Variants in LEPR observed in about 807,000 individuals in gnomAD.
LEPR encodes OB receptor.
Under a neutral mutation model 114.7 loss-of-function variants are expected in LEPR, and 56 were observed. The ratio of observed to expected loss-of-function variants is 0.49; its 90% confidence interval spans 0.39 to 0.61. The LOEUF is 0.61. Among genes scored for constraint, LEPR ranks in the 20% least tolerant of loss-of-function variants. The probability of loss-of-function intolerance (pLI) is 0.00; values close to 1 mark genes in which losing one functional copy is unlikely to be tolerated. For missense variants in LEPR, 1,202 were observed against 1,352.9 expected, an observed-to-expected ratio of 0.89 and a Z score of 1.75; for synonymous variants, 443 against 461.4, an observed-to-expected ratio of 0.96 and a Z score of 0.51.
At chr1:65,508,005 T>C (rs1648842699) in intron 2 of LEPR, among the ~76,000 whole-genome samples, 2 of 152,350 alleles carry the variant, frequency 1.3e-5, no homozygotes, top group African/African-American at 2.4e-5. Flanking sequence ...GAAATGTCTA[T>C]GGAAATTCTT....
chr1:65,567,831 A>G (rs1283171898), intron 3 of LEPR, among the ~76,000 whole-genome samples: 2 of 151,904 alleles, frequency 1.3e-5, no homozygotes, highest in Non-Finnish European at 2.9e-5. Flanking sequence ...CCTGCCCCAC[A>G]CATTTATAAC....
At chr1:65,515,435 G>A (rs1649238476) in intron 2 of LEPR, among the ~76,000 whole-genome samples, 1 of 152,098 alleles carries the variant, frequency 6.6e-6, no homozygotes. Context: ...ACCATTTTTT[G>A]TGTAGGTAAG....
At chr1:65,477,630 G>C (rs2100437397) in intron 2 of LEPR, among the ~76,000 whole-genome samples, 1 of 152,344 alleles carries the variant, frequency 6.6e-6, no homozygotes, top group East Asian at 1.9e-4. Context: ...GCCAAGGGCA[G>C]GTGCCATACA....
chr1:65,626,041 T>TCC, intron 19 of LEPR: 1 of 1,303,602 alleles, frequency 7.7e-7, no homozygotes, highest in Non-Finnish European at 1.1e-6. Context: ...TTTCTCAGTG[T>TCC]TCAGGAGGGC....
intron 3 of LEPR, among the ~76,000 whole-genome samples, chr1:65,569,421 G>A (rs562281544): frequency 3.3e-4 from 50 of 152,198 alleles, no homozygotes; most frequent in Non-Finnish European, 5.1e-4. Context: ...TTAAAAATAA[G>A]TTTGGCTGGG....
chr1:65,619,802 C>G, intron 16 of LEPR, 126 bp from the exon 17 acceptor site: 1 of 798,292 alleles, frequency 1.3e-6, no homozygotes, highest in South Asian at 1.7e-5. Flanking sequence ...ATTTAATCCA[C>G]AAATAATAAG....
chr1:65,608,940 G>T, intron 12 of LEPR, 39 bp downstream of exon 12: 1 of 1,610,980 alleles, frequency 6.2e-7, no homozygotes, highest in South Asian at 1.1e-5. Flanking sequence ...CTCATTAAAT[G>T]CTATTTTTAT....
intron 2 of LEPR, among the ~76,000 whole-genome samples, chr1:65,520,885 G>A (rs1410583402): frequency 1.3e-5 from 2 of 152,242 alleles, no homozygotes; most frequent in Admixed American, 6.5e-5. Flanking sequence ...TCATGCTATT[G>A]CTTGTGGTTT....
At chr1:65,581,616 TTC>T (rs1465430997) in intron 5 of LEPR, among the ~76,000 whole-genome samples, 1 of 152,176 alleles carries the variant, frequency 6.6e-6, no homozygotes, top group Non-Finnish European at 1.5e-5. Context: ...TAGAGATCTT[TTC>T]TCTGTCTTCT....
intron 2 of LEPR, among the ~76,000 whole-genome samples, chr1:65,549,966 G>T (rs1449327676): frequency 6.6e-6 from 1 of 152,152 alleles, no homozygotes; most frequent in African/African-American, 2.4e-5. Context: ...GGTCTTTGCT[G>T]ATGGTGATGT....
At position 65,605,175 on chromosome 1, in the gene LEPR, G is replaced by A. The variant is rs1234271501; in HGVS notation, c.1541G>A (p.Arg514Lys). 2 of 1,614,086 alleles carry A rather than the reference G, an allele frequency of 1.2e-6. No homozygotes were observed. Among genetic ancestry groups the A allele is most frequent in the South Asian group, 1.1e-5 (1 of 91,072 alleles). ...TTATCTGGCTACACAATGTGGATTA[G>A]GATCAATCACTCTCTAGGTTCACTT... ...FLLSGYTMWI[R>K]INHSLGSLDS... Residue 514 changes from arginine to lysine, a missense_variant, in exon 11 of 20, where the codon AGG becomes AAG. By Grantham distance (26) the Arg-to-Lys change is conservative. Transcript: ENST00000349533.
intron 2 of LEPR, among the ~76,000 whole-genome samples, chr1:65,455,827 G>A (rs907411983): frequency 6.6e-6 from 1 of 152,214 alleles, no homozygotes; most frequent in African/African-American, 2.4e-5. Context: ...GAGCTTCCTG[G>A]CTGCTTTGTT....
In LEPR at chr1:65,613,562, G is replaced by A. The variant is rs910444015; in HGVS notation, c.1996-2446G>A. Among the ~76,000 whole-genome samples the A allele has an allele frequency of 1.1e-4, 11 of 102,370 alleles. No homozygotes were observed. In the South Asian group the frequency reaches 2.7e-3, roughly 25 times the overall value. The allele number at this position is 102,370 out of a possible 152,430, so 67.2% of individuals were successfully genotyped here. On this transcript the variant is annotated intron_variant, in intron 14 of 19. Transcript: ENST00000349533. Reference sequence around the variant, plus strand: ...AGGTCAGGAGATCGAGACCATCCTGGCTAACAAGGTGAAACCCCGTCTCTA... The same window carrying A: ...AGGTCAGGAGATCGAGACCATCCTGACTAACAAGGTGAAACCCCGTCTCTA...
intron 2 of LEPR, among the ~76,000 whole-genome samples, chr1:65,493,298 C>A (rs559065840): frequency 3.3e-5 from 5 of 152,146 alleles, no homozygotes; most frequent in African/African-American, 1.2e-4. Context: ...AGTTCTGGTT[C>A]TTTGGTTTTC....
chr1:65,476,817 C>T (rs1018423035), intron 2 of LEPR, among the ~76,000 whole-genome samples: 3 of 152,294 alleles, frequency 2.0e-5, no homozygotes, highest in Middle Eastern at 3.4e-3. Context: ...AAATGTTGAA[C>T]TCAGCATGCC....
intron 2 of LEPR, among the ~76,000 whole-genome samples, chr1:65,508,846 A>G (rs1467568632): frequency 6.6e-6 from 1 of 152,150 alleles, no homozygotes; most frequent in Admixed American, 6.6e-5. Flanking sequence ...ATTTATTTGT[A>G]TAATTTTCAA....
Position 65,455,786 on chromosome 1 carries a change from T to C in LEPR, c.-21+30408T>C, listed in dbSNP as rs538884993. ...TGGAGCCTACAGAGGCAGGCAGGCC[T>C]CTTTGAGCTGTGGTGGGCTCCACCC... On this transcript the variant is annotated intron_variant, in intron 2 of 19. Transcript: ENST00000349533. Among the ~76,000 whole-genome samples the C allele has an allele frequency of 1.3e-4, 20 of 152,354 alleles. No homozygotes were observed. The South Asian group carries it at 3.7e-3, about 28-fold the overall frequency.
At chr1:65,507,941 A>G (rs1018262339) in intron 2 of LEPR, among the ~76,000 whole-genome samples, 2 of 152,180 alleles carry the variant, frequency 1.3e-5, no homozygotes, top group African/African-American at 4.8e-5. Context: ...ATAATTAGAA[A>G]TGTTGAGCAT....
chr1:65,558,549 GTTTTT>G lies in LEPR; in HGVS notation c.-20-6986_-20-6982del, dbSNP rs1189982161. On this transcript the variant is annotated intron_variant, in intron 2 of 19. Coordinates refer to ENST00000349533, the MANE Select transcript of LEPR (RefSeq NM_002303.6). ...AAGTTTTTTTTTTTGTTTTTTTTTT[GTTTTT>G]TTTTTTTTTTATACTTTAAGTTTTA... 2.2e-4 allele frequency among the ~76,000 whole-genome samples: 2 copies of G among 9,116 alleles called. 1 individual carries two copies. The highest frequency in any genetic ancestry group is 9.2e-4 in the African/African-American group (2 of 2,164). 6.0% of individuals were successfully genotyped at this position (9,116 alleles called of 152,430 possible).
Sources: gnomAD v4.1 joint callset for allele counts (sites outside exome capture counted in the v4.1 genomes callset) on GRCh38, gnomAD v4.1.1 for gene constraint, MANE v1.5 for transcripts, NCBI Gene and HGNC (gene_info 2026-07-23, HGNC 2026-07-21) for gene names.